The following MYOM2 variants were observed in gnomAD, a reference collection of about 807,000 sequenced individuals.
MYOM2 encodes myomesin-2.
A neutral mutation model predicts 187.6 loss-of-function variants in MYOM2; 254 were observed. That is an observed-to-expected ratio of 1.35 (90% CI 1.22 to 1.50). The LOEUF is 1.50. Among genes scored for constraint, MYOM2 ranks in the 40% most tolerant of loss-of-function variants. The probability of loss-of-function intolerance (pLI) is 0.00; values close to 1 mark genes in which losing one functional copy is unlikely to be tolerated. For synonymous variants in MYOM2, 981 were observed against 753.8 expected, an observed-to-expected ratio of 1.30 and a Z score of -4.94; for missense variants, 2,796 against 1,924.0, an observed-to-expected ratio of 1.45 and a Z score of -8.48.
Position 2,079,561 on chromosome 8 carries a change from C to G in MYOM2, c.1464C>G (p.Ala488=), listed in dbSNP as rs376844864. Residue 488 remains alanine, a splice_region_variant and synonymous_variant, in exon 13 of 37, where the codon GCC becomes GCG. Coordinates refer to ENST00000262113, the MANE Select transcript of MYOM2 (RefSeq NM_003970.4). ...GAGTGTCAACCTTTCTCTCCGCAGC[C>G]GTTCATTTGGAGGGAGAGAAGGAGA... ...LDPLDLRRLQ[A]VHLEGEKEIA... The G allele has an allele frequency of 1.2e-6, 2 of 1,614,016 alleles. No homozygotes were observed. Among genetic ancestry groups the G allele is most frequent in the Admixed American group, 3.3e-5 (2 of 60,012 alleles).
chr8:2,121,178 C>T (rs1162821930), intron 28 of MYOM2, among the ~76,000 whole-genome samples: 1 of 152,120 alleles, frequency 6.6e-6, no homozygotes, highest in African/African-American at 2.4e-5. Flanking sequence ...ATGTTTCTTC[C>T]AAATTTTAGA....
chr8:2,079,461 T>A, intron 12 of MYOM2, 99 bp from the exon 13 acceptor site: 1 of 1,155,742 alleles, frequency 8.7e-7, no homozygotes, highest in Non-Finnish European at 1.3e-6. Context: ...GTTGTAGTCC[T>A]AATGCAGAGG....
chr8:2,137,080 C>T (rs62480005), intron 32 of MYOM2, among the ~76,000 whole-genome samples: 8,812 of 151,514 alleles, frequency 0.058, 356 homozygotes, highest in Middle Eastern at 0.12. Context: ...CTCACACACA[C>T]ACATATACAC....
At chr8:2,070,590 C>T (rs1419777450) in intron 8 of MYOM2, among the ~76,000 whole-genome samples, 1 of 151,782 alleles carries the variant, frequency 6.6e-6, no homozygotes, top group African/African-American at 2.4e-5. Flanking sequence ...TGGGCAGGTC[C>T]TGGCAGTCAC....
chr8:2,117,694 C>G (rs1314114279), intron 27 of MYOM2, among the ~76,000 whole-genome samples, 191 bp from the exon 28 acceptor site: 2 of 152,068 alleles, frequency 1.3e-5, no homozygotes, highest in African/African-American at 2.4e-5. Flanking sequence ...GGCCTGAAAA[C>G]TATCTCAGTT....
At chr8:2,103,263 T>A (rs1796775017) in intron 21 of MYOM2, among the ~76,000 whole-genome samples, 1 of 151,480 alleles carries the variant, frequency 6.6e-6, no homozygotes, top group Admixed American at 6.6e-5. Flanking sequence ...TGAGAGAGTG[T>A]GCATGTATTA....
intron 32 of MYOM2, among the ~76,000 whole-genome samples, chr8:2,135,869 C>T (rs4391460): frequency 0.12 from 18,915 of 152,138 alleles, 1,956 homozygotes; most frequent in African/African-American, 0.26. Context: ...AGCACTAGGA[C>T]GTGTTTGGCC....
intron 35 of MYOM2, among the ~76,000 whole-genome samples, chr8:2,143,011 C>G (rs1181265673): frequency 1.3e-5 from 2 of 152,160 alleles, no homozygotes; most frequent in African/African-American, 4.8e-5. Context: ...CCGCCTTGGC[C>G]TCCCAAAGTG....
intron 28 of MYOM2, among the ~76,000 whole-genome samples, chr8:2,121,222 T>G (rs1318531490): frequency 2.0e-5 from 3 of 152,028 alleles, no homozygotes; most frequent in Non-Finnish European, 4.4e-5. Context: ...CCTTAGGGAG[T>G]CAGCAACTCA....
intron 21 of MYOM2, among the ~76,000 whole-genome samples, chr8:2,104,605 A>C (rs981331241): frequency 5.5e-5 from 8 of 145,518 alleles, no homozygotes; most frequent in African/African-American, 1.8e-4. Context: ...ACTCCATTTA[A>C]AAAAAAAAAA....
At chr8:2,054,844 G>T (rs1447978221) in intron 3 of MYOM2, among the ~76,000 whole-genome samples, 1 of 151,580 alleles carries the variant, frequency 6.6e-6, no homozygotes, top group East Asian at 1.9e-4. Flanking sequence ...TTCATTTCTT[G>T]AACACATATT....
In MYOM2 at chr8:2,078,749, G is replaced by C. The variant is rs760533934; in HGVS notation, c.1278G>C (p.Thr426=). ...GYFVDRCEVG[T]NNWVQCNDAP... ...TAACTTGAAGATGTGAAGTAGGAAC[G>C]AATAATTGGGTGCAGTGCAATGATG... The change falls in exon 12 of 37, where the codon ACG becomes ACC. Residue 426 remains threonine, a synonymous_variant. Transcript: ENST00000262113. 36 of 1,613,998 alleles carry C rather than the reference G, an allele frequency of 2.2e-5. No individual in the cohort carries two copies. Among genetic ancestry groups the C allele is most frequent in the Middle Eastern group, 1.6e-4 (1 of 6,084 alleles).
chr8:2,117,642 G>T (rs1025075489), intron 27 of MYOM2, among the ~76,000 whole-genome samples: 1 of 152,168 alleles, frequency 6.6e-6, no homozygotes, highest in Non-Finnish European at 1.5e-5. Flanking sequence ...AGGAAGCACA[G>T]ATTCCAGTGG....
intron 21 of MYOM2, among the ~76,000 whole-genome samples, chr8:2,105,121 G>C (rs926658180): frequency 2.6e-5 from 4 of 151,936 alleles, no homozygotes; most frequent in Non-Finnish European, 5.9e-5. Context: ...CCGTTGCACT[G>C]GCTTTTACAT....
intron 17 of MYOM2, among the ~76,000 whole-genome samples, chr8:2,094,757 A>T (rs954074572): frequency 3.3e-5 from 5 of 152,246 alleles, no homozygotes; most frequent in East Asian, 1.9e-4. Flanking sequence ...TAGGAACTTT[A>T]GTCACTTCAG....
chr8:2,049,840 C>A (rs1157844708), intron 1 of MYOM2, among the ~76,000 whole-genome samples: 1 of 152,156 alleles, frequency 6.6e-6, no homozygotes, highest in Admixed American at 6.5e-5. Flanking sequence ...TGTCTAATAC[C>A]TGTAATGCTG....
chr8:2,100,033 TTTCC>T (rs1206158420), intron 19 of MYOM2, among the ~76,000 whole-genome samples: 10 of 110,158 alleles, frequency 9.1e-5, no homozygotes, highest in Non-Finnish European at 1.9e-4. Context: ...TCCTTCCTTC[TTTCC>T]TTCCTTCCTT....
intron 11 of MYOM2, 92 bp from the exon 12 acceptor site, chr8:2,078,641 TA>T: frequency 8.8e-7 from 1 of 1,142,748 alleles, no homozygotes; most frequent in Non-Finnish European, 1.3e-6. Flanking sequence ...TGTCCTGTTA[TA>T]ATCAGTGTGT....
chr8:2,083,637 C>T (rs921034156), intron 13 of MYOM2, among the ~76,000 whole-genome samples: 4 of 152,182 alleles, frequency 2.6e-5, no homozygotes, highest in African/African-American at 7.2e-5. Context: ...TCCCTCGGCT[C>T]CCCTCTCAGG....
Sources: allele counts gnomAD v4.1 joint callset (sites outside exome capture counted in the v4.1 genomes callset), GRCh38; gene constraint gnomAD v4.1.1; transcripts MANE v1.5; gene names NCBI Gene and HGNC (gene_info 2026-07-23, HGNC 2026-07-21).